Variants in RGS17 observed in about 807,000 individuals in gnomAD.
The protein encoded by RGS17 is regulator of G protein signaling 17, also known as regulator of G-protein signaling 17.
Under a neutral mutation model 25.5 loss-of-function variants are expected in RGS17, and 12 were observed. The ratio of observed to expected loss-of-function variants is 0.47; its 90% CI spans 0.30 to 0.76. The LOEUF is 0.76. Ranked by LOEUF, RGS17 falls within the 30% of genes least tolerant of loss-of-function variation. The probability of loss-of-function intolerance (pLI) is 0.07; values close to 1 mark genes in which losing one functional copy is unlikely to be tolerated. For synonymous variants in RGS17, 71 were observed against 76.9 expected (o/e 0.92, Z 0.40); for missense variants, 196 against 242.2 (o/e 0.81, Z 1.27).
At chr6:153,033,991 G>T (rs1163742519) in intron 2 of RGS17, among the ~76,000 whole-genome samples, 1 of 152,170 alleles carries the variant, frequency 6.6e-6, no homozygotes, top group Non-Finnish European at 1.5e-5. Context: ...TTTGTGTCAA[G>T]TGCATTAATT....
At chr6:153,043,754 A>T (rs1776351243) in intron 2 of RGS17, 146 bp downstream of exon 2, 2 of 565,748 alleles carry the variant, frequency 3.5e-6, no homozygotes, top group Non-Finnish European at 6.2e-6. Context: ...CATTAAACCA[A>T]TGATAGTCTT....
intron 1 of RGS17, among the ~76,000 whole-genome samples, chr6:153,120,906 A>G (rs955996441): frequency 6.6e-6 from 1 of 152,178 alleles, no homozygotes; most frequent in African/African-American, 2.4e-5. Context: ...CACAACCTCT[A>G]TGACACTTTT....
intron 1 of RGS17, among the ~76,000 whole-genome samples, chr6:153,079,940 C>T (rs536093449): frequency 2.0e-5 from 3 of 152,132 alleles, no homozygotes; most frequent in South Asian, 4.2e-4. Context: ...GTTTTGGATT[C>T]CAAACTTAAT....
rs540022357 is a variant in RGS17, at chr6:153,075,437, T to A, written c.-25-31394A>T. Among the ~76,000 whole-genome samples, 63 of 152,314 alleles carry A rather than the reference T, an allele frequency of 4.1e-4. 1 individual carries two copies. The highest frequency in any genetic ancestry group is 1.3e-3 in the African/African-American group (53 of 41,576). ...GGAGGCTGGGTGCCTCCCCCATCCC[T>A]ACCTCTACCCTGTCTGATGTGGATC... On this transcript the variant is annotated intron_variant, in intron 1 of 4. Transcript: ENST00000206262.
At position 153,023,814 on chromosome 6, in the gene RGS17, T is replaced by G. The variant is rs796432965; in HGVS notation, c.444+448A>C. ...ATGTATGTGGAAAACTTGTTAAAAG[T>G]GCAGATTTCTGGGTCCTATTTCCAA... is the stretch of plus-strand genomic sequence containing the variant. On this transcript the variant is annotated intron_variant, in intron 4 of 4. Transcript: ENST00000206262. Among the ~76,000 whole-genome samples the G allele has an allele frequency of 1.8e-4, 28 of 152,286 alleles. 1 individual carries two copies. Among genetic ancestry groups the G allele is most frequent in the African/African-American group, 6.5e-4 (27 of 41,578 alleles).
intron 4 of RGS17, among the ~76,000 whole-genome samples, chr6:153,023,803 CTTG>C (rs1782885605): frequency 6.6e-6 from 1 of 152,058 alleles, no homozygotes; most frequent in South Asian, 2.1e-4. Flanking sequence ...ATGTGGAAAA[CTTG>C]TTAAAAGTGC....
chr6:153,074,113 G>A (rs754012551), intron 1 of RGS17, among the ~76,000 whole-genome samples: 4 of 152,132 alleles, frequency 2.6e-5, no homozygotes, highest in Admixed American at 6.6e-5. Flanking sequence ...ATAAAAACAA[G>A]ATTGTTTTCA....
At chr6:153,021,513 T>G (rs940576173) in intron 4 of RGS17, among the ~76,000 whole-genome samples, 3 of 152,224 alleles carry the variant, frequency 2.0e-5, no homozygotes. Context: ...AAACATAGCT[T>G]TTTAACAATT....
chr6:153,035,604 T>C (rs1776229584), intron 2 of RGS17, among the ~76,000 whole-genome samples: 1 of 152,194 alleles, frequency 6.6e-6, no homozygotes, highest in African/African-American at 2.4e-5. Context: ...AGCAAAGAAG[T>C]CAGCCTCATT....
intron 1 of RGS17, among the ~76,000 whole-genome samples, chr6:153,117,349 C>T (rs1161497559): frequency 6.6e-6 from 1 of 152,162 alleles, no homozygotes; most frequent in Non-Finnish European, 1.5e-5. Context: ...CCCCATGATC[C>T]AATCAGCACC....
chr6:153,031,061 G>A (rs1209019351), intron 2 of RGS17, among the ~76,000 whole-genome samples: 1 of 152,150 alleles, frequency 6.6e-6, no homozygotes, highest in African/African-American at 2.4e-5. Context: ...AATCATGCAG[G>A]GGCACAATAC....
chr6:153,020,139 T>TATATATATATA (rs1491540636), intron 4 of RGS17, among the ~76,000 whole-genome samples: 3 of 22,532 alleles, frequency 1.3e-4, no homozygotes, highest in Non-Finnish European at 1.5e-4. Context: ...TATATATATA[T>TATATATATATA]TTTTTTTTTT....
intron 1 of RGS17, among the ~76,000 whole-genome samples, chr6:153,048,658 G>T (rs1054486252): frequency 5.4e-4 from 82 of 152,114 alleles, no homozygotes; most frequent in Admixed American, 3.9e-4. Flanking sequence ...GTACAATTAC[G>T]TGTCAAGACC....
chr6:153,033,826 C>G (rs993938763), intron 2 of RGS17, among the ~76,000 whole-genome samples: 1 of 152,184 alleles, frequency 6.6e-6, no homozygotes, highest in Non-Finnish European at 1.5e-5. Flanking sequence ...CTATTTTAAG[C>G]TATTCCTTCA....
intron 1 of RGS17, among the ~76,000 whole-genome samples, chr6:153,050,254 A>C (rs1776444005): frequency 6.6e-6 from 1 of 152,178 alleles, no homozygotes; most frequent in African/African-American, 2.4e-5. Flanking sequence ...TCAAAAGGAA[A>C]AGCTTTTTTT....
At chr6:153,100,806 C>G (rs139790771) in intron 1 of RGS17, among the ~76,000 whole-genome samples, 2,505 of 152,206 alleles carry the variant, frequency 0.016, 76 homozygotes, top group African/African-American at 0.056. Context: ...GTAAACAGAC[C>G]GTAACCTACT....
At chr6:153,038,212 AT>A (rs2129109323) in intron 2 of RGS17, among the ~76,000 whole-genome samples, 1 of 152,194 alleles carries the variant, frequency 6.6e-6, no homozygotes, top group Non-Finnish European at 1.5e-5. Context: ...CCACCTCTTT[AT>A]CTACAATTTC....
chr6:153,092,129 C>A (rs1468497984), intron 1 of RGS17, among the ~76,000 whole-genome samples: 1 of 152,166 alleles, frequency 6.6e-6, no homozygotes, highest in Admixed American at 6.5e-5. Context: ...ACTGGACTTA[C>A]TCTTTGAATT....
chr6:153,017,922 C>T (rs544952443), intron 4 of RGS17, among the ~76,000 whole-genome samples: 1 of 152,082 alleles, frequency 6.6e-6, no homozygotes, highest in South Asian at 2.1e-4. Flanking sequence ...TTTGGTATTC[C>T]TATGTTAAAT....
Sources: gnomAD v4.1 joint callset for allele counts (sites outside exome capture counted in the v4.1 genomes callset) on GRCh38, gnomAD v4.1.1 for gene constraint, MANE v1.5 for transcripts, NCBI Gene and HGNC (gene_info 2026-07-23, HGNC 2026-07-21) for gene names.